Variants in TNS3 observed in about 807,000 individuals in gnomAD.
TNS3 encodes the protein tensin 3, also known as tensin-3.
A neutral mutation model predicts 140.9 loss-of-function variants in TNS3; 45 were observed. The ratio of observed to expected loss-of-function variants is 0.32; its 90% CI spans 0.25 to 0.41. TNS3 has a LOEUF of 0.41. Among genes scored for constraint, TNS3 ranks in the 10% least tolerant of loss-of-function variants. TNS3 has a pLI of 1.00. For missense variants in TNS3, 1,716 were observed against 1,906.7 expected (o/e 0.90, Z 1.86); for synonymous variants, 815 against 788.4 (o/e 1.03, Z -0.56).
chr7:47,282,598 C>T (rs974174554), intron 28 of TNS3, among the ~76,000 whole-genome samples: 2 of 152,204 alleles, frequency 1.3e-5, no homozygotes, highest in African/African-American at 4.8e-5. Flanking sequence ...AGGGCACTTG[C>T]TGAGTGCCCT....
chr7:47,461,677 C>T (rs1437158269), intron 4 of TNS3, among the ~76,000 whole-genome samples: 1 of 152,248 alleles, frequency 6.6e-6, no homozygotes, highest in African/African-American at 2.4e-5. Context: ...ATGACCACTG[C>T]GTCTGCTCCC....
At chr7:47,434,309 G>GAAAA (rs34227350) in intron 8 of TNS3, among the ~76,000 whole-genome samples, 1 of 130,722 alleles carries the variant, frequency 7.6e-6, no homozygotes. Context: ...GAGTCCGGAA[G>GAAAA]AAAAAAAAAA....
intron 30 of TNS3, 27 bp from the exon 31 acceptor site, chr7:47,278,247 G>A: frequency 6.2e-7 from 1 of 1,605,532 alleles, no homozygotes; most frequent in Admixed American, 1.7e-5. Flanking sequence ...CAGTCAGAGT[G>A]GTCAGTGTCC....
At chr7:47,454,616 G>A (rs1370731249) in intron 4 of TNS3, among the ~76,000 whole-genome samples, 2 of 151,508 alleles carry the variant, frequency 1.3e-5, no homozygotes, top group Non-Finnish European at 3.0e-5. Flanking sequence ...CTCTGGGGGG[G>A]CAACAGCTGG....
rs190554486 is a variant in TNS3 at position 47,430,808 on chromosome 7, C to T, written c.325-2432G>A. Reference sequence around the variant, plus strand: ...TGATCTCAGCTCACTACAACCTCCACCGCCTGGGTTCAAGCGATTCTCGTG... The same window carrying T: ...TGATCTCAGCTCACTACAACCTCCATCGCCTGGGTTCAAGCGATTCTCGTG... On this transcript the variant is annotated intron_variant, in intron 8 of 30. Transcript: ENST00000311160. Among the ~76,000 whole-genome samples the T allele has an allele frequency of 3.8e-3, 580 of 152,040 alleles. 5 individuals are homozygous for T. The highest frequency in any genetic ancestry group is 0.019 in the South Asian group (89 of 4,788).
chr7:47,446,312 C>T lies in TNS3; in HGVS notation c.-75-4257G>A, dbSNP rs546384530. ...TATTTTTAATAGAGGCAAGGTTCCA[C>T]TCTCTAGGTGTTTTGAAAAGAGAGC... On this transcript the variant is annotated intron_variant, in intron 4 of 30. Coordinates refer to ENST00000311160, the MANE Select transcript of TNS3 (RefSeq NM_022748.12). Among the ~76,000 whole-genome samples the T allele has an allele frequency of 3.3e-5, 5 of 152,270 alleles. No individual in the cohort carries two copies. The South Asian group carries it at 1.0e-3, about 32-fold the overall frequency.
Position 47,437,276 on chromosome 7 carries a change from T to C in TNS3, c.188A>G (p.Lys63Arg). 1 of 1,561,722 alleles carries C rather than the reference T, an allele frequency of 6.4e-7. No individual in the cohort carries two copies. The highest frequency in any genetic ancestry group is 1.2e-5 in the South Asian group (1 of 80,002). Residue 63 changes from lysine to arginine, a missense_variant, in exon 7 of 31, where the codon AAG (lysine) becomes AGG (arginine). Coordinates refer to ENST00000311160, the MANE Select transcript of TNS3 (RefSeq NM_022748.12). ...NLSEKRYDLT[K>R]LNPKIMDVGW... is the part of the protein sequence containing the mutation. ...TGAACTCTGTACCTTTGGGTTAAGC[T>C]TCGTAAGGTCATATCTCTTTTCTGA...
intron 3 of TNS3, among the ~76,000 whole-genome samples, chr7:47,500,342 G>A (rs993207855): frequency 2.0e-5 from 3 of 152,224 alleles, no homozygotes; most frequent in Non-Finnish European, 4.4e-5. Context: ...GGATGCCCGT[G>A]TAAACATTTA....
intron 10 of TNS3, among the ~76,000 whole-genome samples, chr7:47,418,743 C>G (rs1399618200): frequency 6.6e-6 from 1 of 152,168 alleles, no homozygotes; most frequent in Non-Finnish European, 1.5e-5. Flanking sequence ...TTCAGTTGTC[C>G]CTTGCATTAT....
In TNS3 at chr7:47,309,847, G is replaced by A. The variant is rs2150758311; in HGVS notation, c.2651-4844C>T. On this transcript the variant is annotated intron_variant, in intron 20 of 30. Transcript: ENST00000311160. ...GAGCATGTTAATTTTCAGTTACAGT[G>A]CAGGAGTTAAACTTCCACTAAGGAC... Among the ~76,000 whole-genome samples, 2 of 152,334 alleles carry A rather than the reference G, an allele frequency of 1.3e-5. 1 individual carries two copies. The highest frequency in any genetic ancestry group is 1.3e-4 in the Admixed American group (2 of 15,306).
intron 1 of TNS3, among the ~76,000 whole-genome samples, chr7:47,576,867 C>A (rs936511932): frequency 1.3e-5 from 2 of 152,222 alleles, no homozygotes; most frequent in African/African-American, 4.8e-5. Context: ...GAGCAGAGCC[C>A]GGGCTCTCCT....
chr7:47,562,176 C>T (rs1800330006), intron 1 of TNS3, among the ~76,000 whole-genome samples: 1 of 152,132 alleles, frequency 6.6e-6, no homozygotes, highest in Non-Finnish European at 1.5e-5. Flanking sequence ...AGTGGCCTCC[C>T]CTCCCTGGAC....
intron 20 of TNS3, among the ~76,000 whole-genome samples, chr7:47,342,229 T>G (rs2150981282): frequency 6.6e-6 from 1 of 152,378 alleles, no homozygotes; most frequent in African/African-American, 2.4e-5. Context: ...TGTCTTATAC[T>G]TACTGTCCAA....
intron 20 of TNS3, among the ~76,000 whole-genome samples, chr7:47,340,028 T>C (rs1161186722): frequency 7.0e-6 from 1 of 143,784 alleles, no homozygotes; most frequent in Non-Finnish European, 1.5e-5. Flanking sequence ...TTCATAAATA[T>C]ATGTATACAT....
chr7:47,447,778 C>A (rs548039161), intron 4 of TNS3, among the ~76,000 whole-genome samples: 10 of 152,204 alleles, frequency 6.6e-5, no homozygotes, highest in African/African-American at 2.4e-4. Flanking sequence ...GCGCCCCACC[C>A]CACCACGCGC....
rs1784940181 is a variant in TNS3, at chr7:47,277,915, G to T, written c.*161C>A. 1.2e-6 allele frequency: 1 copy of T among 822,070 alleles called. No homozygotes were observed. The highest frequency in any genetic ancestry group is 2.0e-6 in the Non-Finnish European group (1 of 488,240). 50.9% of individuals were successfully genotyped at this position (822,070 alleles called of 1,614,324 possible). ...GGAAAGGCCAATTCACGGTGATGTT[G>T]TTTGTTCTTGTTTTTGCAGAGCTGG... On this transcript the variant is annotated 3_prime_UTR_variant, in exon 31 of 31. Transcript: ENST00000311160.
At chr7:47,416,555 TCTC>T (rs1424923329) in intron 10 of TNS3, among the ~76,000 whole-genome samples, 1 of 152,118 alleles carries the variant, frequency 6.6e-6, no homozygotes, top group Non-Finnish European at 1.5e-5. Flanking sequence ...GCAGCAAACT[TCTC>T]TTCTGCTCTC....
intron 24 of TNS3, among the ~76,000 whole-genome samples, chr7:47,295,569 T>G (rs1785961705): frequency 6.6e-6 from 1 of 151,902 alleles, no homozygotes; most frequent in Non-Finnish European, 1.5e-5. Flanking sequence ...TGCTAGAAGA[T>G]CCTACTTTTC....
At chr7:47,302,142 C>A (rs1002513095) in intron 23 of TNS3, 44 bp downstream of exon 23, 5 of 1,519,832 alleles carry the variant, frequency 3.3e-6, no homozygotes, top group Non-Finnish European at 4.6e-6. Flanking sequence ...GCGAAGCGGG[C>A]ACTAGGGCAG....
Sources: gnomAD v4.1 joint callset for allele counts (sites outside exome capture counted in the v4.1 genomes callset) on GRCh38, gnomAD v4.1.1 for gene constraint, MANE v1.5 for transcripts, NCBI Gene and HGNC (gene_info 2026-07-23, HGNC 2026-07-21) for gene names.